The following BIK variants were observed in gnomAD, a reference collection of about 807,000 sequenced individuals.
BIK encodes bcl-2-interacting killer.
A neutral mutation model predicts 12.1 loss-of-function variants in BIK; 14 were observed. That is an observed-to-expected ratio of 1.16 (90% CI 0.77 to 1.81). The LOEUF is 1.81. BIK is among the 40% of genes most tolerant of loss of function. BIK has a pLI of 0.00. For missense variants in BIK, 215 were observed against 207.9 expected, an observed-to-expected ratio of 1.03 and a Z score of -0.21; for synonymous variants, 86 against 92.3, an observed-to-expected ratio of 0.93 and a Z score of 0.39.
intron 1 of BIK, among the ~76,000 whole-genome samples, chr22:43,114,430 G>T (rs1475130821): frequency 6.6e-6 from 1 of 152,032 alleles, no homozygotes; most frequent in Non-Finnish European, 1.5e-5. Context: ...AGCCTCCCGA[G>T]TAGCTGAGAT....
chr22:43,113,662 A>G (rs9620115), intron 1 of BIK, among the ~76,000 whole-genome samples: 27,120 of 152,066 alleles, frequency 0.18, 2,775 homozygotes, highest in African/African-American at 0.28. Flanking sequence ...GGAAGGATGT[A>G]ATTGAGGAAG....
At chr22:43,128,474 C>T in intron 3 of BIK, 22 bp from the exon 4 acceptor site, 1 of 1,565,394 alleles carries the variant, frequency 6.4e-7, no homozygotes, top group South Asian at 1.1e-5. Flanking sequence ...TGGCTTTGTC[C>T]CCCCATCCTC....
At chr22:43,127,596 G>A (rs1046934089) in intron 2 of BIK, 101 bp from the exon 3 acceptor site, 5 of 1,057,170 alleles carry the variant, frequency 4.7e-6, no homozygotes, top group Admixed American at 4.3e-5. Context: ...CTTATCCTCT[G>A]GGCCACTCCC....
At chr22:43,117,732 G>A (rs1930144918) in intron 1 of BIK, among the ~76,000 whole-genome samples, 1 of 144,204 alleles carries the variant, frequency 6.9e-6, no homozygotes, top group African/African-American at 2.6e-5. Flanking sequence ...GTGTAATGGT[G>A]TGATCTCGGC....
chr22:43,127,858 C>T, intron 3 of BIK, 63 bp downstream of exon 3: 1 of 1,452,440 alleles, frequency 6.9e-7, no homozygotes, highest in African/African-American at 1.4e-5. Context: ...GGGTGGAGGC[C>T]CTGAACACAG....
At position 43,128,606 on chromosome 22, in the gene BIK, C is replaced by T. The variant is rs763664734; in HGVS notation, c.371C>T (p.Ser124Phe). ...LKENIMRFWR[S>F]PNPGSWVSCE... ...GAGAACATAATGAGGTTCTGGAGAT[C>T]CCCGAACCCCGGGTCCTGGGTAAGA... is the stretch of plus-strand genomic sequence containing the variant. The change falls in exon 4 of 5, where the codon TCC becomes TTC. Residue 124 changes from serine (S) to phenylalanine (F), a missense_variant. Coordinates refer to ENST00000216115, the MANE Select transcript of BIK (RefSeq NM_001197.5). The T allele has an allele frequency of 6.2e-7, 1 of 1,611,388 alleles. No homozygotes were observed. Among genetic ancestry groups the T allele is most frequent in the Non-Finnish European group, 8.5e-7 (1 of 1,178,228 alleles).
intron 3 of BIK, 76 bp downstream of exon 3, chr22:43,127,871 C>T (rs1465360400): frequency 3.7e-6 from 5 of 1,369,598 alleles, no homozygotes; most frequent in South Asian, 1.3e-5. Flanking sequence ...GAACACAGCA[C>T]AGGGCTGGGC....
At chr22:43,122,149 G>A (rs1332207874) in intron 1 of BIK, among the ~76,000 whole-genome samples, 1 of 152,230 alleles carries the variant, frequency 6.6e-6, no homozygotes, top group Non-Finnish European at 1.5e-5. Flanking sequence ...GGGGGTCAGG[G>A]AGACTTGGAG....
Position 43,124,067 on chromosome 22 carries a change from C to T in BIK, c.45C>T (p.Thr15=). Residue 15 remains threonine, a synonymous_variant, in exon 2 of 5, where the codon ACC becomes ACT. Transcript: ENST00000216115. Reference sequence around the variant, plus strand: ...TCTCCAGAGACATCTTGATGGAGACCCTCCTGTATGAGCAGCTCCTGGAAC... The same window carrying T: ...TCTCCAGAGACATCTTGATGGAGACTCTCCTGTATGAGCAGCTCCTGGAAC... ...RPLSRDILME[T]LLYEQLLEPP... is the part of the protein sequence containing the mutation. 6.2e-7 allele frequency: 1 copy of T among 1,614,082 alleles called. No homozygotes were observed. The highest frequency in any genetic ancestry group is 1.3e-5 in the African/African-American group (1 of 75,010).
chr22:43,128,138 G>A (rs1930357079), intron 3 of BIK, among the ~76,000 whole-genome samples: 1 of 152,076 alleles, frequency 6.6e-6, no homozygotes, highest in African/African-American at 2.4e-5. Context: ...CCTGGGGGCT[G>A]GGCCTCTCAG....
intron 1 of BIK, among the ~76,000 whole-genome samples, chr22:43,113,464 A>C (rs531873350): frequency 3.4e-4 from 52 of 152,108 alleles, no homozygotes; most frequent in African/African-American, 1.2e-3. Context: ...AGGCGGGAGA[A>C]TTGCTTGAAC....
intron 2 of BIK, 116 bp from the exon 3 acceptor site, chr22:43,127,581 C>T: frequency 2.2e-6 from 2 of 890,214 alleles, no homozygotes; most frequent in Non-Finnish European, 3.4e-6. Flanking sequence ...AATCTGACAC[C>T]ATCTCTTATC....
At chr22:43,118,727 G>C (rs555498563) in intron 1 of BIK, among the ~76,000 whole-genome samples, 1 of 152,256 alleles carries the variant, frequency 6.6e-6, no homozygotes, top group South Asian at 2.1e-4. Context: ...TGTGAAACAG[G>C]AAGTGTCAGA....
At chr22:43,113,626 T>C (rs10428048) in intron 1 of BIK, among the ~76,000 whole-genome samples, 20,447 of 151,782 alleles carry the variant, frequency 0.13, 1,573 homozygotes, top group African/African-American at 0.2. Flanking sequence ...ACTTTTTTTT[T>C]CCCCCATTTC....
Position 43,124,037 on chromosome 22 carries a change from AC to A in BIK, c.19del (p.Leu7SerfsTer6). MSEVR[P>X]LSRDILMETL... is the part of the protein sequence containing the mutation. ...CCAGAGGAGAAATGTCTGAAGTAAG[AC>A]CCCTCTCCAGAGACATCTTGATGGA... On this transcript the variant is annotated frameshift_variant, in exon 2 of 5. Coordinates refer to ENST00000216115, the MANE Select transcript of BIK (RefSeq NM_001197.5). LOFTEE classifies it high-confidence loss of function. 6.2e-7 allele frequency: 1 copy of A among 1,613,666 alleles called. No individual in the cohort carries two copies. Among genetic ancestry groups the A allele is most frequent in the East Asian group, 2.2e-5 (1 of 44,862 alleles).
intron 1 of BIK, among the ~76,000 whole-genome samples, chr22:43,112,561 ATGCCTGGCCCTTTTTTTTTTTTTAAT>A (rs1369827494): frequency 1.4e-5 from 2 of 146,654 alleles, no homozygotes; most frequent in Non-Finnish European, 3.0e-5. Flanking sequence ...GTGAGCCCCT[ATGCCTGGCCCTTTTTTTTTTTTTAAT>A]TGTCTTAAGG....
chr22:43,119,401 A>G (rs1349201932), intron 1 of BIK, among the ~76,000 whole-genome samples: 3 of 152,136 alleles, frequency 2.0e-5, no homozygotes, highest in African/African-American at 7.2e-5. Context: ...TTCAGTCAAC[A>G]AACATATGTC....
chr22:43,127,722 T>C lies in BIK; in HGVS notation c.187T>C (p.Cys63Arg), dbSNP rs1188729902. 6.4e-7 allele frequency: 1 copy of C among 1,555,658 alleles called. No individual in the cohort carries two copies. The highest frequency in any genetic ancestry group is 8.7e-7 in the Non-Finnish European group (1 of 1,150,354). Reference protein sequence around the residue: ...GSDALALRLACIGDEMDVSLR... With the variant: ...GSDALALRLARIGDEMDVSLR... ...TGACGCATTGGCCCTGCGGCTGGCC[T>C]GCATCGGGGACGAGATGGACGTGAG... The change falls in exon 3 of 5, where the codon TGC (cysteine) becomes CGC (arginine). Residue 63 changes from cysteine to arginine, a missense_variant. Physicochemically the swap from Cys to Arg is radical, Grantham distance 180 (BLOSUM62 -3). Coordinates refer to ENST00000216115, the MANE Select transcript of BIK (RefSeq NM_001197.5).
chr22:43,125,397 G>A (rs546732651), intron 2 of BIK, among the ~76,000 whole-genome samples: 22 of 151,992 alleles, frequency 1.4e-4, no homozygotes, highest in African/African-American at 4.1e-4. Flanking sequence ...TGCCTCTGAC[G>A]GCTCTCATTT....
Sources: allele counts gnomAD v4.1 joint callset (sites outside exome capture counted in the v4.1 genomes callset), GRCh38; gene constraint gnomAD v4.1.1; transcripts MANE v1.5; gene names NCBI Gene and HGNC (gene_info 2026-07-23, HGNC 2026-07-21).